The following UBE2E2 variants were observed in gnomAD, a reference collection of about 807,000 sequenced individuals.
The protein encoded by UBE2E2 is ubiquitin-conjugating enzyme E2 E2.
Under a neutral mutation model 24.7 loss-of-function variants are expected in UBE2E2, and 6 were observed. That is an observed-to-expected ratio of 0.24 (90% CI 0.13 to 0.48). UBE2E2 has a LOEUF of 0.48. UBE2E2 is among the 20% of genes least tolerant of loss of function. UBE2E2 has a pLI of 0.99. For missense variants in UBE2E2, 169 were observed against 245.0 expected (o/e 0.69, Z 2.07); for synonymous variants, 104 against 83.6 (o/e 1.24, Z -1.33).
At chr3:23,457,296 G>T (rs1559389348) in intron 3 of UBE2E2, among the ~76,000 whole-genome samples, 1 of 152,096 alleles carries the variant, frequency 6.6e-6, no homozygotes, top group Non-Finnish European at 1.5e-5. Flanking sequence ...GGTTTTTCTG[G>T]GGCTAAGCTT....
At chr3:23,562,723 A>G (rs1341557885) in intron 5 of UBE2E2, among the ~76,000 whole-genome samples, 1 of 152,192 alleles carries the variant, frequency 6.6e-6, no homozygotes, top group Non-Finnish European at 1.5e-5. Flanking sequence ...TTGGTAAGCT[A>G]TTAATTATTG....
At chr3:23,364,406 A>T (rs1255793470) in intron 3 of UBE2E2, among the ~76,000 whole-genome samples, 1 of 152,132 alleles carries the variant, frequency 6.6e-6, no homozygotes, top group Non-Finnish European at 1.5e-5. Flanking sequence ...GAGACAGAAG[A>T]TCCAAATAAA....
intron 4 of UBE2E2, among the ~76,000 whole-genome samples, chr3:23,519,691 T>G (rs899783111): frequency 1.3e-5 from 2 of 152,198 alleles, no homozygotes; most frequent in African/African-American, 4.8e-5. Flanking sequence ...TTTGTTTTGT[T>G]TTTGAGACAG....
At chr3:23,361,144 G>GT (rs1696103985) in intron 3 of UBE2E2, among the ~76,000 whole-genome samples, 1 of 152,142 alleles carries the variant, frequency 6.6e-6, no homozygotes, top group African/African-American at 2.4e-5. Context: ...CCTTACTCCT[G>GT]TAAGAATGGC....
chr3:23,508,225 T>G (rs1694498761), intron 4 of UBE2E2, among the ~76,000 whole-genome samples: 1 of 152,242 alleles, frequency 6.6e-6, no homozygotes, highest in Non-Finnish European at 1.5e-5. Flanking sequence ...GTCATTGTCT[T>G]TGTGCTTTTA....
chr3:23,411,555 G>T lies in UBE2E2; in HGVS notation c.228-88053G>T, dbSNP rs185838864. On this transcript the variant is annotated intron_variant, in intron 3 of 5. Transcript: ENST00000396703. ...CTGAGAGGAGCGAGGAGGTTTTGGG[G>T]GTTGAGGTCAAATTTATATGTGCTA... Among the ~76,000 whole-genome samples the T allele has an allele frequency of 1.2e-4, 18 of 152,188 alleles. 1 individual carries two copies. Among genetic ancestry groups the T allele is most frequent in the Admixed American group, 5.2e-4 (8 of 15,284 alleles).
At chr3:23,297,846 G>C (rs543517501) in intron 3 of UBE2E2, among the ~76,000 whole-genome samples, 1 of 152,108 alleles carries the variant, frequency 6.6e-6, no homozygotes, top group Admixed American at 6.5e-5. Context: ...AGCTTGATGG[G>C]GATGGCATTG....
At chr3:23,443,414 C>T (rs773486693) in intron 3 of UBE2E2, among the ~76,000 whole-genome samples, 1 of 152,142 alleles carries the variant, frequency 6.6e-6, no homozygotes, top group Non-Finnish European at 1.5e-5. Context: ...ATTGTGGTAC[C>T]TGCCACCACT....
At chr3:23,396,048 CTG>C (rs1171822967) in intron 3 of UBE2E2, among the ~76,000 whole-genome samples, 1 of 151,916 alleles carries the variant, frequency 6.6e-6, no homozygotes, top group Non-Finnish European at 1.5e-5. Flanking sequence ...ATCATCTCTT[CTG>C]TGTATTGAAG....
chr3:23,540,543 T>G (rs1334296541), intron 5 of UBE2E2, among the ~76,000 whole-genome samples: 1 of 152,122 alleles, frequency 6.6e-6, no homozygotes, highest in African/African-American at 2.4e-5. Flanking sequence ...TAGCTGAGAT[T>G]ACAGGCGCGC....
At chr3:23,313,386 C>CTTT (rs34208918) in intron 3 of UBE2E2, among the ~76,000 whole-genome samples, 22,724 of 111,440 alleles carry the variant, frequency 0.2, 3,283 homozygotes, top group Middle Eastern at 0.25. Context: ...ATCATTGGGT[C>CTTT]TTTTTTTTTT....
At chr3:23,536,063 T>C (rs17013429) in intron 5 of UBE2E2, among the ~76,000 whole-genome samples, 4,539 of 152,378 alleles carry the variant, frequency 0.03, 108 homozygotes, top group East Asian at 0.13. Context: ...AAGTACTTTC[T>C]TCTGGAGTCA....
At chr3:23,364,358 A>G (rs1227695482) in intron 3 of UBE2E2, among the ~76,000 whole-genome samples, 1 of 152,060 alleles carries the variant, frequency 6.6e-6, no homozygotes, top group African/African-American at 2.4e-5. Context: ...GAAAGAATAA[A>G]TAAGATTGAT....
Position 23,589,852 on chromosome 3 carries a change from C to T in UBE2E2, c.*21C>T, listed in dbSNP as rs372418313. 5.6e-6 allele frequency: 9 copies of T among 1,613,156 alleles called. No individual in the cohort carries two copies. Among genetic ancestry groups the T allele is most frequent in the South Asian group, 4.4e-5 (4 of 91,020 alleles). ...CATAGGGGCCTGCTGCCTGCCGCCCCGCGGGACCTGTGCAAGCACATTCAC... is the reference window on the plus strand; with the variant it reads ...CATAGGGGCCTGCTGCCTGCCGCCCTGCGGGACCTGTGCAAGCACATTCAC... On this transcript the variant is annotated 3_prime_UTR_variant, in exon 6 of 6. Transcript: ENST00000396703. The surrounding 1 kb of genome is among the most constrained non-coding windows in gnomAD (Gnocchi z 4.1).
At chr3:23,454,806 C>G (rs185156111) in intron 3 of UBE2E2, among the ~76,000 whole-genome samples, 1 of 152,340 alleles carries the variant, frequency 6.6e-6, no homozygotes, top group East Asian at 1.9e-4. Flanking sequence ...AAGACTACCT[C>G]CTGGTAAAGT....
intron 3 of UBE2E2, among the ~76,000 whole-genome samples, chr3:23,341,374 T>A (rs1355106164): frequency 6.6e-6 from 1 of 152,024 alleles, no homozygotes; most frequent in Admixed American, 6.6e-5. Flanking sequence ...TGAAGTATAA[T>A]TAGATAAATT....
chr3:23,214,579 G>T (rs11715598), intron 2 of UBE2E2, among the ~76,000 whole-genome samples: 15 of 144,868 alleles, frequency 1.0e-4, no homozygotes, highest in Admixed American at 2.8e-4. Context: ...TTTTTTTTTT[G>T]TTTTTTTTTT....
At chr3:23,299,770 G>A (rs1439642377) in intron 3 of UBE2E2, among the ~76,000 whole-genome samples, 1 of 152,098 alleles carries the variant, frequency 6.6e-6, no homozygotes, top group African/African-American at 2.4e-5. Flanking sequence ...GTTGATTTGG[G>A]GTGGAGAGTT....
intron 5 of UBE2E2, among the ~76,000 whole-genome samples, chr3:23,574,360 A>G (rs1696296162): frequency 6.6e-6 from 1 of 152,184 alleles, no homozygotes; most frequent in Admixed American, 6.5e-5. Flanking sequence ...TGTACATGTT[A>G]AAATAACTAA....
Sources: allele counts gnomAD v4.1 joint callset (sites outside exome capture counted in the v4.1 genomes callset), GRCh38; gene constraint gnomAD v4.1.1; non-coding constraint Gnocchi (gnomAD v3.1); transcripts MANE v1.5; gene names NCBI Gene and HGNC (gene_info 2026-07-23, HGNC 2026-07-21).